ZSCAN22: variants seen among roughly 807,000 people sequenced by gnomAD.
The protein encoded by ZSCAN22 is zinc finger and SCAN domain containing 22.
A neutral mutation model predicts 12.4 loss-of-function variants in ZSCAN22; 7 were observed. The ratio of observed to expected loss-of-function variants is 0.57; its 90% CI spans 0.32 to 1.06. ZSCAN22 has a LOEUF of 1.06. Ranked by LOEUF, ZSCAN22 falls within the 50% of genes least tolerant of loss-of-function variation. The pLI is 0.04. For synonymous variants in ZSCAN22, 243 were observed against 255.9 expected (o/e 0.95, Z 0.48); for missense variants, 576 against 631.7 (o/e 0.91, Z 0.94).
rs1247501784 is a variant in ZSCAN22, at chr19:58,338,582, A to G, written c.732A>G (p.Ser244=). ...PNLTSQEKPP[S]EDKFDLVDAY... is the part of the protein sequence containing the mutation. The stretch of plus-strand genomic sequence containing the variant: ...TCACCTCCCAAGAGAAGCCTCCTTC[A>G]GAAGACAAATTTGATCTGGTGGATG... The change falls in exon 3 of 3, where the codon TCA becomes TCG. Residue 244 remains serine, a synonymous_variant. Transcript: ENST00000329665. The surrounding 1 kb of genome is among the most constrained non-coding windows in gnomAD (Gnocchi z 5.4). The G allele has an allele frequency of 6.2e-7, 1 of 1,614,130 alleles. No homozygotes were observed. The highest frequency in any genetic ancestry group is 1.3e-5 in the African/African-American group (1 of 74,938).
rs2051829671 is a variant in ZSCAN22, at chr19:58,338,715, A to G, written c.865A>G (p.Thr289Ala). ...SASALEAHQK[T>A]HSRKTPYACS... is the part of the protein sequence containing the mutation. ...TTCGGCGCTCGAGGCACACCAGAAG[A>G]CCCATTCTCGGAAGACCCCATATGC... Residue 289 changes from threonine (T) to alanine (A), a missense_variant, in exon 3 of 3, where the codon ACC becomes GCC. Thr to Ala is a moderately conservative substitution (Grantham distance 58). Transcript: ENST00000329665. This position sits in a 1 kb window ranked among gnomAD's most constrained non-coding sequence, Gnocchi z 5.4. The G allele has an allele frequency of 6.2e-7, 1 of 1,614,088 alleles. No individual in the cohort carries two copies. Among genetic ancestry groups the G allele is most frequent in the East Asian group, 2.2e-5 (1 of 44,870 alleles).
chr19:58,332,945 CCATATCCTTGCCTACA>C (rs2051744610), intron 1 of ZSCAN22, among the ~76,000 whole-genome samples: 2 of 152,202 alleles, frequency 1.3e-5, no homozygotes, highest in South Asian at 4.1e-4. Context: ...TACAGTTTCT[CCATATCCTTGCCTACA>C]CATGTTATCT....
At chr19:58,327,500 C>T (rs1366806774) in intron 1 of ZSCAN22, among the ~76,000 whole-genome samples, 4 of 151,818 alleles carry the variant, frequency 2.6e-5, no homozygotes, top group Non-Finnish European at 5.9e-5. Context: ...GTGGAGCGGG[C>T]GGACAGATAA....
chr19:58,335,961 G>A lies in ZSCAN22; in HGVS notation c.403+756G>A, dbSNP rs1014710573. ...GCCTTGGGACAATCCAGAGCAGGGA[G>A]TGGTGGCTCGTCTCAGATGGGCTTG... is the stretch of plus-strand genomic sequence containing the variant. On this transcript the variant is annotated intron_variant, in intron 2 of 2. Transcript: ENST00000329665. This position sits in a 1 kb window ranked among gnomAD's most constrained non-coding sequence, Gnocchi z 4.1. 6.6e-6 allele frequency among the ~76,000 whole-genome samples: 1 copy of A among 152,240 alleles called. No homozygotes were observed. Among genetic ancestry groups the A allele is most frequent in the Non-Finnish European group, 1.5e-5 (1 of 68,034 alleles).
rs929717738 is a variant in ZSCAN22 at position 58,339,257 on chromosome 19, T to G, written c.1407T>G (p.Cys469Trp). 6 of 1,614,060 alleles carry G rather than the reference T, an allele frequency of 3.7e-6. No individual in the cohort carries two copies. Among genetic ancestry groups the G allele is most frequent in the Non-Finnish European group, 5.1e-6 (6 of 1,180,020 alleles). ...TGEKPYKCSD[C>W]GKAFSRSSAL... ...AGAAGCCTTATAAGTGCAGCGACTGTGGGAAGGCCTTCAGTCGTAGCTCAG... is the reference window on the plus strand; with the variant it reads ...AGAAGCCTTATAAGTGCAGCGACTGGGGGAAGGCCTTCAGTCGTAGCTCAG... Residue 469 changes from cysteine to tryptophan, a missense_variant, in exon 3 of 3, where the codon TGT (cysteine) becomes TGG (tryptophan). By Grantham distance (215) the Cys-to-Trp change is radical. Transcript: ENST00000329665. This position sits in a 1 kb window ranked among gnomAD's most constrained non-coding sequence, Gnocchi z 5.6.
At chr19:58,327,303 C>T (rs2051663748) in intron 1 of ZSCAN22, among the ~76,000 whole-genome samples, 189 bp downstream of exon 1, 1 of 152,180 alleles carries the variant, frequency 6.6e-6, no homozygotes, top group Non-Finnish European at 1.5e-5. Flanking sequence ...GAGGATGTGA[C>T]GGACTGACGG....
In ZSCAN22 at chr19:58,338,611, A is replaced by G. The variant is rs751722330; in HGVS notation, c.761A>G (p.Tyr254Cys). Residue 254 changes from tyrosine to cysteine, a missense_variant, in exon 3 of 3, where the codon TAT becomes TGT. Tyr to Cys is a radical substitution (Grantham distance 194). Transcript: ENST00000329665. The surrounding 1 kb of genome is among the most constrained non-coding windows in gnomAD (Gnocchi z 5.4). ...SEDKFDLVDA[Y>C]GTEPPYTYSG... The stretch of plus-strand genomic sequence containing the variant: ...GACAAATTTGATCTGGTGGATGCTT[A>G]TGGGACAGAGCCTCCATACACCTAC... The G allele has an allele frequency of 1.2e-6, 2 of 1,614,120 alleles. No homozygotes were observed. Among genetic ancestry groups the G allele is most frequent in the African/African-American group, 1.3e-5 (1 of 74,954 alleles).
chr19:58,334,998 G>T lies in ZSCAN22; in HGVS notation c.196G>T (p.Ala66Ser), dbSNP rs757093051. The T allele has an allele frequency of 6.2e-7, 1 of 1,614,082 alleles. No individual in the cohort carries two copies. The highest frequency in any genetic ancestry group is 1.1e-5 in the South Asian group (1 of 91,082). ...TGAGGAGGCATCTGGTCCACACGAG[G>T]CCCTGGCCCACCTCCGAGCGCTGTG... Reference protein sequence around the residue: ...RYEEASGPHEALAHLRALCCQ... With the variant: ...RYEEASGPHESLAHLRALCCQ... The change falls in exon 2 of 3, where the codon GCC (alanine) becomes TCC (serine). Residue 66 changes from alanine to serine, a missense_variant. Coordinates refer to ENST00000329665, the MANE Select transcript of ZSCAN22 (RefSeq NM_181846.3).
chr19:58,331,153 C>T (rs575725995), intron 1 of ZSCAN22, among the ~76,000 whole-genome samples: 12 of 151,718 alleles, frequency 7.9e-5, no homozygotes, highest in East Asian at 7.8e-4. Flanking sequence ...ACTGATAAGG[C>T]GTCTTTTGTG....
In ZSCAN22 at chr19:58,342,185, C is replaced by T. The variant is rs2051884078; in HGVS notation, c.*2859C>T. ...AATAATTTATATACATCTCAGTCCT[C>T]ACACAACCATCCCTGTTTTATAGAG... On this transcript the variant is annotated 3_prime_UTR_variant, in exon 3 of 3. Transcript: ENST00000329665. The T allele has an allele frequency of 6.6e-6, 1 of 152,218 alleles. No individual in the cohort carries two copies. 9.4% of individuals were successfully genotyped at this position (152,218 alleles called of 1,614,324 possible).
chr19:58,334,538 T>G, intron 1 of ZSCAN22: 1 of 358,886 alleles, frequency 2.8e-6, no homozygotes, highest in Admixed American at 4.3e-5. Flanking sequence ...CAGGATGGTG[T>G]TTGTTGTAAG....
At chr19:58,333,373 C>A (rs745402460) in intron 1 of ZSCAN22, among the ~76,000 whole-genome samples, 1 of 152,150 alleles carries the variant, frequency 6.6e-6, no homozygotes, top group African/African-American at 2.4e-5. Flanking sequence ...ATTCATGGAA[C>A]ATTAACCAAA....
rs1198349919 is a variant in ZSCAN22 at position 58,339,985 on chromosome 19, T to C, written c.*659T>C. 1.3e-5 allele frequency: 2 copies of C among 152,936 alleles called. No homozygotes were observed. The highest frequency in any genetic ancestry group is 4.8e-5 in the African/African-American group (2 of 41,464). 9.5% of individuals were successfully genotyped at this position (152,936 alleles called of 1,614,324 possible). Reference sequence around the variant, plus strand: ...CACATCCCACCAGTCACCAGCGCTATTGTTTTAACCTAAAGCTTATCTGTA... The same window carrying C: ...CACATCCCACCAGTCACCAGCGCTACTGTTTTAACCTAAAGCTTATCTGTA... On this transcript the variant is annotated 3_prime_UTR_variant, in exon 3 of 3. Transcript: ENST00000329665. This position sits in a 1 kb window ranked among gnomAD's most constrained non-coding sequence, Gnocchi z 5.6.
In ZSCAN22 at chr19:58,329,337, C is replaced by T. The variant is rs1381853911; in HGVS notation, c.-52+2223C>T. On this transcript the variant is annotated intron_variant, in intron 1 of 2. Transcript: ENST00000329665. This position sits in a 1 kb window ranked among gnomAD's most constrained non-coding sequence, Gnocchi z 4.1. ...CTCTGTCCAGGGTGACTTCCTTGAGCAGAGACTCCAGGCACACTGAGCGTC... is the reference window on the plus strand; with the variant it reads ...CTCTGTCCAGGGTGACTTCCTTGAGTAGAGACTCCAGGCACACTGAGCGTC... 6.6e-6 allele frequency among the ~76,000 whole-genome samples: 1 copy of T among 152,180 alleles called. No homozygotes were observed. The highest frequency in any genetic ancestry group is 2.4e-5 in the African/African-American group (1 of 41,442).
intron 1 of ZSCAN22, among the ~76,000 whole-genome samples, chr19:58,333,509 AC>A (rs1452737494): frequency 6.6e-6 from 1 of 151,954 alleles, no homozygotes; most frequent in African/African-American, 2.4e-5. Flanking sequence ...CAACTAGAAA[AC>A]CCCCAGTTGT....
Position 58,340,687 on chromosome 19 carries a change from T to C in ZSCAN22, c.*1361T>C, listed in dbSNP as rs2051863631. On this transcript the variant is annotated 3_prime_UTR_variant, in exon 3 of 3. Coordinates refer to ENST00000329665, the MANE Select transcript of ZSCAN22 (RefSeq NM_181846.3). ...TTTTAGTAGAGATGGAGTTTCACCATGTTAGCCAGGATGGTCTCGATCTCC... is the reference window on the plus strand; with the variant it reads ...TTTTAGTAGAGATGGAGTTTCACCACGTTAGCCAGGATGGTCTCGATCTCC... 1 of 149,038 alleles carries C rather than the reference T, an allele frequency of 6.7e-6. No homozygotes were observed. Among genetic ancestry groups the C allele is most frequent in the East Asian group, 2.0e-4 (1 of 5,030 alleles). 9.2% of individuals were successfully genotyped at this position (149,038 alleles called of 1,614,324 possible).
chr19:58,338,527 C>T lies in ZSCAN22; in HGVS notation c.677C>T (p.Ser226Leu), dbSNP rs150255752. The T allele has an allele frequency of 3.5e-5, 57 of 1,614,202 alleles. No individual in the cohort carries two copies. The Middle Eastern group carries it at 9.9e-4, about 28-fold the overall frequency. Residue 226 changes from serine to leucine, a missense_variant, in exon 3 of 3, where the codon TCG becomes TTG. Transcript: ENST00000329665. The surrounding 1 kb of genome is among the most constrained non-coding windows in gnomAD (Gnocchi z 5.4). ...TDQRGRESGA[S>L]RNSSSAWPNL... is the part of the protein sequence containing the mutation. ...CAGCGTGGCCGTGAATCTGGTGCCT[C>T]GAGGAACAGTTCTAGTGCGTGGCCA...
intron 2 of ZSCAN22, among the ~76,000 whole-genome samples, chr19:58,337,094 C>T (rs953507153): frequency 1.3e-5 from 2 of 152,202 alleles, no homozygotes; most frequent in South Asian, 2.1e-4. Flanking sequence ...AGAGCACCTC[C>T]GCCACACTCT....
intron 1 of ZSCAN22, among the ~76,000 whole-genome samples, chr19:58,331,772 C>T (rs1166528299): frequency 6.6e-6 from 1 of 151,810 alleles, no homozygotes; most frequent in African/African-American, 2.4e-5. Flanking sequence ...GTCTCGATCT[C>T]TTGACCTTGT....
Sources: allele counts gnomAD v4.1 joint callset (sites outside exome capture counted in the v4.1 genomes callset), GRCh38; gene constraint gnomAD v4.1.1; non-coding constraint Gnocchi (gnomAD v3.1); transcripts MANE v1.5; gene names NCBI Gene and HGNC (gene_info 2026-07-23, HGNC 2026-07-21).